The following PPP3CB variants were observed in gnomAD, a reference collection of about 807,000 sequenced individuals.
PPP3CB encodes the protein serine/threonine-protein phosphatase 2B catalytic subunit beta isoform.
Under a neutral mutation model 66.4 loss-of-function variants are expected in PPP3CB, and 8 were observed. The ratio of observed to expected loss-of-function variants is 0.12; its 90% CI spans 0.07 to 0.22. PPP3CB has a LOEUF of 0.22. Among genes scored for constraint, PPP3CB ranks in the 10% least tolerant of loss-of-function variants. The pLI is 1.00. For missense variants in PPP3CB, 319 were observed against 642.5 expected, an observed-to-expected ratio of 0.50 and a Z score of 5.44; for synonymous variants, 208 against 221.2, an observed-to-expected ratio of 0.94 and a Z score of 0.53.
At chr10:73,484,523 G>A (rs1212966208) in intron 1 of PPP3CB, among the ~76,000 whole-genome samples, 1 of 151,362 alleles carries the variant, frequency 6.6e-6, no homozygotes, top group Non-Finnish European at 1.5e-5. Flanking sequence ...TGCCCGCCTC[G>A]GCCTCCCAAA....
At chr10:73,463,873 G>A (rs186101386) in intron 9 of PPP3CB, among the ~76,000 whole-genome samples, 369 of 151,958 alleles carry the variant, frequency 2.4e-3, no homozygotes, top group African/African-American at 8.4e-3. Flanking sequence ...CTGACCTCGC[G>A]ATCTGCCTGC....
chr10:73,458,730 A>T (rs888927302), intron 9 of PPP3CB, among the ~76,000 whole-genome samples: 34 of 146,966 alleles, frequency 2.3e-4, no homozygotes, highest in East Asian at 3.9e-4. Flanking sequence ...AAATATATAT[A>T]TTTTTTCATC....
intron 9 of PPP3CB, among the ~76,000 whole-genome samples, chr10:73,463,233 C>T (rs1277562027): frequency 6.6e-6 from 1 of 152,164 alleles, no homozygotes; most frequent in Non-Finnish European, 1.5e-5. Flanking sequence ...TGCTACCAGG[C>T]CTTCATTATG....
intron 11 of PPP3CB, among the ~76,000 whole-genome samples, chr10:73,446,258 C>T (rs2056251362): frequency 6.6e-6 from 1 of 151,860 alleles, no homozygotes; most frequent in South Asian, 2.1e-4. Flanking sequence ...TGCCACCACG[C>T]CCGGCTAATT....
chr10:73,445,260 G>A (rs1487920989), intron 11 of PPP3CB, among the ~76,000 whole-genome samples: 1 of 152,086 alleles, frequency 6.6e-6, no homozygotes, highest in South Asian at 2.1e-4. Context: ...CTATATGGAT[G>A]AACAAGTTCA....
intron 1 of PPP3CB, among the ~76,000 whole-genome samples, chr10:73,484,025 C>T (rs1024264014): frequency 6.6e-6 from 1 of 151,976 alleles, no homozygotes; most frequent in South Asian, 2.1e-4. Flanking sequence ...GCCTGTAGTC[C>T]CAGCTACTTT....
intron 9 of PPP3CB, among the ~76,000 whole-genome samples, chr10:73,462,835 A>T (rs1465246728): frequency 6.6e-6 from 1 of 150,982 alleles, no homozygotes; most frequent in Non-Finnish European, 1.5e-5. Context: ...CTGTAATCCC[A>T]GAGACTTGGG....
chr10:73,444,673 TG>T, intron 12 of PPP3CB, 51 bp downstream of exon 12: 1 of 1,610,688 alleles, frequency 6.2e-7, no homozygotes. Context: ...AGCAAAAGAG[TG>T]AGGTGTGCCC....
At chr10:73,454,912 G>A (rs941840956) in intron 9 of PPP3CB, among the ~76,000 whole-genome samples, 18 of 149,500 alleles carry the variant, frequency 1.2e-4, no homozygotes, top group Non-Finnish European at 2.5e-4. Flanking sequence ...TTGCTCTGTT[G>A]CCCAGGCTGC....
Position 73,438,370 on chromosome 10 carries a change from T to C in PPP3CB, c.1447A>G (p.Lys483Glu). The C allele has an allele frequency of 6.2e-7, 1 of 1,613,764 alleles. No homozygotes were observed. The highest frequency in any genetic ancestry group is 8.5e-7 in the Non-Finnish European group (1 of 1,179,656). ...CTCTCATTGATCCTATCCAAACCCT[T>C]TGCCTCTTCAAAACTGCAGATTCTA... Reference protein sequence around the residue: ...PHRICSFEEAKGLDRINERMP... With the variant: ...PHRICSFEEAEGLDRINERMP... The change falls in exon 14 of 14, where the codon AAG (lysine) becomes GAG (glutamate). Residue 483 changes from lysine to glutamate, a missense_variant. Lys to Glu is a moderately conservative substitution (Grantham distance 56). Around this residue, in one of 5 missense-constraint regions of PPP3CB, gnomAD observed 120 missense variants for 331.2 expected, o/e 0.36. Coordinates refer to ENST00000360663, the MANE Select transcript of PPP3CB (RefSeq NM_021132.4).
At chr10:73,483,763 C>A (rs1429959634) in intron 1 of PPP3CB, among the ~76,000 whole-genome samples, 1 of 152,122 alleles carries the variant, frequency 6.6e-6, no homozygotes, top group Admixed American at 6.5e-5. Flanking sequence ...CAGCAGGAGA[C>A]CTGACGGGGC....
At chr10:73,484,638 T>G (rs2056942563) in intron 1 of PPP3CB, among the ~76,000 whole-genome samples, 2 of 152,182 alleles carry the variant, frequency 1.3e-5, no homozygotes, top group African/African-American at 4.8e-5. Context: ...ATTTTCAGAC[T>G]ATGTTTCCTT....
intron 12 of PPP3CB, among the ~76,000 whole-genome samples, chr10:73,440,540 G>T (rs1417410041): frequency 6.6e-6 from 1 of 152,166 alleles, no homozygotes; most frequent in Non-Finnish European, 1.5e-5. Flanking sequence ...TGTTCTTTGT[G>T]GGGGACCTGA....
intron 9 of PPP3CB, among the ~76,000 whole-genome samples, chr10:73,455,049 T>A (rs1202143367): frequency 6.8e-6 from 1 of 146,582 alleles, no homozygotes; most frequent in Non-Finnish European, 1.5e-5. Flanking sequence ...ATTTTTGTAT[T>A]TTTTTTTTTT....
At chr10:73,469,835 T>C (rs1352385915) in intron 8 of PPP3CB, among the ~76,000 whole-genome samples, 1 of 152,216 alleles carries the variant, frequency 6.6e-6, no homozygotes. Flanking sequence ...TCTTTCCTCT[T>C]GGCACATCCA....
chr10:73,474,250 A>G (rs2056751023), intron 4 of PPP3CB, among the ~76,000 whole-genome samples: 1 of 152,050 alleles, frequency 6.6e-6, no homozygotes, highest in Non-Finnish European at 1.5e-5. Context: ...CGTGTTGGCC[A>G]GGCTGGTCTT....
intron 13 of PPP3CB, among the ~76,000 whole-genome samples, chr10:73,439,473 C>A (rs1358081993): frequency 6.6e-6 from 1 of 152,020 alleles, no homozygotes; most frequent in Non-Finnish European, 1.5e-5. Context: ...GAGGAGGATT[C>A]ACTTAGGGAA....
At chr10:73,444,973 T>C (rs2056223411) in intron 11 of PPP3CB, 151 bp from the exon 12 acceptor site, 2 of 837,162 alleles carry the variant, frequency 2.4e-6, no homozygotes, top group East Asian at 2.7e-5. Context: ...TTAATTTTTC[T>C]ATATTTTAAG....
At chr10:73,470,827 G>A (rs760140776) in intron 7 of PPP3CB, 46 bp from the exon 8 acceptor site, 5 of 1,586,344 alleles carry the variant, frequency 3.2e-6, no homozygotes, top group Non-Finnish European at 4.3e-6. Flanking sequence ...ATCAATCATG[G>A]TTACTAAGTT....
Sources: gnomAD v4.1 joint callset for allele counts (sites outside exome capture counted in the v4.1 genomes callset) on GRCh38, gnomAD v4.1.1 for gene constraint, gnomAD v4.1.1 regional missense constraint, MANE v1.5 for transcripts, NCBI Gene and HGNC (gene_info 2026-07-23, HGNC 2026-07-21) for gene names.